PEBP4: variants seen among roughly 807,000 people sequenced by gnomAD.
PEBP4 encodes the protein phosphatidylethanolamine-binding protein 4.
A neutral mutation model predicts 23.9 loss-of-function variants in PEBP4; 22 were observed. The observed-to-expected ratio is 0.92, with a 90% CI of 0.66 to 1.31. PEBP4 has a LOEUF of 1.31. Ranked by LOEUF, PEBP4 falls within the 40% of genes most tolerant of loss-of-function variation. The pLI is 0.00. For missense variants in PEBP4, 324 were observed against 281.7 expected (o/e 1.15, Z -1.07); for synonymous variants, 112 against 99.3 (o/e 1.13, Z -0.76).
At chr8:22,794,538 G>A (rs550864952) in intron 4 of PEBP4, among the ~76,000 whole-genome samples, 1 of 152,326 alleles carries the variant, frequency 6.6e-6, no homozygotes, top group South Asian at 2.1e-4. Context: ...GCCCGCCTCA[G>A]CCTCCCAAAG....
At chr8:22,749,603 G>A (rs546243021) in intron 4 of PEBP4, among the ~76,000 whole-genome samples, 1 of 152,118 alleles carries the variant, frequency 6.6e-6, no homozygotes, top group Admixed American at 6.5e-5. Flanking sequence ...CCCTTCCTGT[G>A]AGCAGATTCC....
intron 6 of PEBP4, among the ~76,000 whole-genome samples, chr8:22,722,217 G>A (rs1407609543): frequency 6.6e-6 from 1 of 151,512 alleles, no homozygotes; most frequent in Non-Finnish European, 1.5e-5. Flanking sequence ...CCAACCCAGA[G>A]CTCCCTCTTC....
At chr8:22,871,486 A>C (rs796679167) in intron 3 of PEBP4, among the ~76,000 whole-genome samples, 10 of 151,170 alleles carry the variant, frequency 6.6e-5, no homozygotes, top group African/African-American at 2.4e-4. Context: ...ATTTCTATTT[A>C]AATAGGTTTT....
intron 4 of PEBP4, among the ~76,000 whole-genome samples, chr8:22,797,324 C>A (rs1183362216): frequency 6.6e-6 from 1 of 150,720 alleles, no homozygotes. Context: ...GTGCAAAAAC[C>A]CAAAAAACAA....
chr8:22,717,089 C>T lies in PEBP4; in HGVS notation c.518-3553G>A, dbSNP rs185940412. 4.2e-3 allele frequency among the ~76,000 whole-genome samples: 639 copies of T among 152,302 alleles called. 15 individuals are homozygous for T. Among genetic ancestry groups the T allele is most frequent in the Non-Finnish European group, 2.5e-3 (169 of 68,012 alleles). On this transcript the variant is annotated intron_variant, in intron 6 of 6. Transcript: ENST00000256404. The stretch of plus-strand genomic sequence containing the variant: ...CAGGACCATTCTCCAGGCTGGGGTG[C>T]AGTGGCACTATCACCTCTCATTACA...
chr8:22,919,590 C>T (rs1473802335), intron 3 of PEBP4, among the ~76,000 whole-genome samples: 1 of 152,202 alleles, frequency 6.6e-6, no homozygotes, highest in Non-Finnish European at 1.5e-5. Context: ...TAATCACTGC[C>T]CAGTAAAATA....
intron 4 of PEBP4, among the ~76,000 whole-genome samples, chr8:22,810,596 C>T (rs982851962): frequency 1.3e-5 from 2 of 151,850 alleles, no homozygotes; most frequent in Admixed American, 1.3e-4. Flanking sequence ...GAGCCACCAG[C>T]TGCCCCCTCA....
At chr8:22,739,217 C>T (rs1804937380) in intron 4 of PEBP4, among the ~76,000 whole-genome samples, 4 of 152,128 alleles carry the variant, frequency 2.6e-5, no homozygotes, top group Admixed American at 2.6e-4. Flanking sequence ...GGGTGGGGGG[C>T]ACCCCAGGTG....
intron 3 of PEBP4, among the ~76,000 whole-genome samples, chr8:22,875,568 T>C (rs971430363): frequency 3.9e-5 from 6 of 152,222 alleles, no homozygotes; most frequent in African/African-American, 1.4e-4. Context: ...TTACAAACTT[T>C]GGCACTTCTT....
At chr8:22,788,883 C>T (rs60883434) in intron 4 of PEBP4, among the ~76,000 whole-genome samples, 6,002 of 152,118 alleles carry the variant, frequency 0.039, 215 homozygotes, top group African/African-American at 0.1. Context: ...AAAAAAAAAG[C>T]AGATACAACC....
chr8:22,726,680 T>C (rs1804628060), intron 5 of PEBP4, among the ~76,000 whole-genome samples: 1 of 152,190 alleles, frequency 6.6e-6, no homozygotes, highest in South Asian at 2.1e-4. Flanking sequence ...AGGCCAACAG[T>C]GAGTGGTGGT....
intron 4 of PEBP4, among the ~76,000 whole-genome samples, chr8:22,765,422 G>C (rs1366768816): frequency 6.6e-6 from 1 of 152,122 alleles, no homozygotes; most frequent in Admixed American, 6.5e-5. Flanking sequence ...GGGATTATAG[G>C]CGTGAGCTGC....
intron 3 of PEBP4, among the ~76,000 whole-genome samples, chr8:22,881,910 C>T (rs899872932): frequency 1.3e-5 from 2 of 152,204 alleles, no homozygotes; most frequent in Non-Finnish European, 2.9e-5. Context: ...GCTACTCTGT[C>T]CTCAGGCTGT....
chr8:22,760,810 T>C (rs1224652271), intron 4 of PEBP4, among the ~76,000 whole-genome samples: 2 of 152,168 alleles, frequency 1.3e-5, no homozygotes, highest in Non-Finnish European at 2.9e-5. Flanking sequence ...AGGAAGAGCC[T>C]AGACCTCAGT....
chr8:22,723,769 G>C (rs1013338994), intron 6 of PEBP4, among the ~76,000 whole-genome samples: 1 of 152,232 alleles, frequency 6.6e-6, no homozygotes, highest in Non-Finnish European at 1.5e-5. Context: ...GTTTGCACCA[G>C]CTCCACTCCC....
At chr8:22,874,255 G>C (rs1207182497) in intron 3 of PEBP4, among the ~76,000 whole-genome samples, 1 of 151,862 alleles carries the variant, frequency 6.6e-6, no homozygotes, top group Non-Finnish European at 1.5e-5. Flanking sequence ...GGAAAATGAA[G>C]AGGAAAAAAA....
intron 3 of PEBP4, among the ~76,000 whole-genome samples, chr8:22,898,732 C>T (rs951213420): frequency 3.9e-5 from 6 of 152,138 alleles, no homozygotes; most frequent in Non-Finnish European, 7.3e-5. Flanking sequence ...TTCTCGATGA[C>T]CTGGCATAGA....
intron 4 of PEBP4, among the ~76,000 whole-genome samples, chr8:22,734,293 C>T (rs1804805195): frequency 6.6e-6 from 1 of 152,204 alleles, no homozygotes; most frequent in South Asian, 2.1e-4. Flanking sequence ...CAATTAACCC[C>T]AATGGCCTTC....
intron 4 of PEBP4, among the ~76,000 whole-genome samples, chr8:22,764,928 A>C (rs543727989): frequency 4.0e-5 from 6 of 151,876 alleles, no homozygotes; most frequent in African/African-American, 1.5e-4. Flanking sequence ...GGCCATGAGG[A>C]CCAGTGGGTC....
Sources: gnomAD v4.1 joint callset for allele counts (sites outside exome capture counted in the v4.1 genomes callset) on GRCh38, gnomAD v4.1.1 for gene constraint, MANE v1.5 for transcripts, NCBI Gene and HGNC (gene_info 2026-07-23, HGNC 2026-07-21) for gene names.